The following TRIO variants were observed in gnomAD, a reference collection of about 807,000 sequenced individuals.
TRIO encodes triple functional domain protein.
TRIO carries 58 observed loss-of-function variants against 351.9 expected under a neutral mutation model. That is an observed-to-expected ratio of 0.16 (90% confidence interval 0.13 to 0.21). TRIO has a LOEUF of 0.21. Ranked by LOEUF, TRIO falls within the 10% of genes least tolerant of loss-of-function variation. The probability of loss-of-function intolerance (pLI) is 1.00; values close to 1 mark genes in which losing one functional copy is unlikely to be tolerated. For missense variants in TRIO, 3,201 were observed against 4,027.8 expected (o/e 0.79, Z 5.56); for synonymous variants, 1,758 against 1,595.7 (o/e 1.10, Z -2.42).
At chr5:14,479,048 A>G (rs2126592256) in intron 41 of TRIO, among the ~76,000 whole-genome samples, 1 of 152,250 alleles carries the variant, frequency 6.6e-6, no homozygotes, top group Non-Finnish European at 1.5e-5. Context: ...TTTGGTGTGT[A>G]TGGAGAGTGA....
intron 23 of TRIO, 92 bp downstream of exon 23, chr5:14,387,939 C>T (rs1746688730): frequency 3.0e-6 from 4 of 1,353,636 alleles, no homozygotes; most frequent in Admixed American, 2.0e-5. Context: ...GCTTTGAAGT[C>T]ACATGGCACC....
intron 20 of TRIO, among the ~76,000 whole-genome samples, chr5:14,380,710 CAT>C (rs1197211179): frequency 6.6e-6 from 1 of 152,162 alleles, no homozygotes; most frequent in Non-Finnish European, 1.5e-5. Flanking sequence ...CTAGCAATCC[CAT>C]TATTGGGTAT....
intron 8 of TRIO, among the ~76,000 whole-genome samples, chr5:14,309,743 T>G (rs1351158466): frequency 6.6e-6 from 1 of 152,208 alleles, no homozygotes; most frequent in African/African-American, 2.4e-5. Context: ...GTGCTAGACA[T>G]TGAACTGGAT....
intron 1 of TRIO, among the ~76,000 whole-genome samples, chr5:14,218,959 G>A (rs113275798): frequency 5.1e-4 from 78 of 152,358 alleles, no homozygotes; most frequent in African/African-American, 1.9e-3. Flanking sequence ...GGAAGCTGTT[G>A]CTCTGCGCCT....
At chr5:14,329,532 T>A (rs1283131614) in intron 9 of TRIO, among the ~76,000 whole-genome samples, 1 of 152,210 alleles carries the variant, frequency 6.6e-6, no homozygotes, top group Non-Finnish European at 1.5e-5. Flanking sequence ...GACTTCATAG[T>A]GTCCAGACTA....
At chr5:14,178,566 A>C (rs115347988) in intron 1 of TRIO, among the ~76,000 whole-genome samples, 6,176 of 152,262 alleles carry the variant, frequency 0.041, 166 homozygotes, top group Middle Eastern at 0.061. Context: ...TGTTACCAAT[A>C]ATTATTCTAG....
At chr5:14,145,238 G>A (rs964754845) in intron 1 of TRIO, among the ~76,000 whole-genome samples, 1 of 152,234 alleles carries the variant, frequency 6.6e-6, no homozygotes, top group African/African-American at 2.4e-5. Flanking sequence ...GCAGCGGGAG[G>A]GCGATGGTGA....
chr5:14,191,849 C>T (rs544968560), intron 1 of TRIO, among the ~76,000 whole-genome samples: 2 of 152,306 alleles, frequency 1.3e-5, no homozygotes, highest in East Asian at 3.9e-4. Context: ...GGCTCTGCTC[C>T]TTCACCATAA....
Position 14,297,280 on chromosome 5 carries a change from C to A in TRIO, c.1368+17C>A. On this transcript the variant is annotated intron_variant, in intron 7 of 56. Transcript: ENST00000344204. ...GCCGAAAAGGTCAGTGCCTTGAACC[C>A]CCAGCCCACGAGGTGGTAACCAGAA... is the stretch of plus-strand genomic sequence containing the variant. 6.2e-7 allele frequency: 1 copy of A among 1,609,252 alleles called. No individual in the cohort carries two copies. Among genetic ancestry groups the A allele is most frequent in the South Asian group, 1.1e-5 (1 of 90,472 alleles).
rs531837677 is a variant in TRIO, at chr5:14,430,840, C to T, written c.5203+10819C>T. ...AAGGGATTCTCCTGCCTCAGCCTCC[C>T]GAGTAGCTGGGACCTCAGGCACCCG... On this transcript the variant is annotated intron_variant, in intron 34 of 56. Coordinates refer to ENST00000344204, the MANE Select transcript of TRIO (RefSeq NM_007118.4). Among the ~76,000 whole-genome samples the T allele has an allele frequency of 7.2e-5, 11 of 152,090 alleles. No individual in the cohort carries two copies. The South Asian group carries it at 1.9e-3, about 26-fold the overall frequency.
In TRIO at chr5:14,364,894, C is replaced by G. The variant is rs1744464784; in HGVS notation, c.2754+78C>G. ...TCATCGACTTCCCGGAAATTCTGAC[C>G]TGTAGCATTGGGAAGGATTGTGCCT... On this transcript the variant is annotated intron_variant, in intron 15 of 56. Coordinates refer to ENST00000344204, the MANE Select transcript of TRIO (RefSeq NM_007118.4). The G allele has an allele frequency of 2.7e-6, 4 of 1,494,700 alleles. No homozygotes were observed. In the African/African-American group the frequency reaches 5.6e-5, roughly 21 times the overall value. The allele number at this position is 1,494,700 out of a possible 1,614,324, so 92.6% of individuals were successfully genotyped here. A position where few individuals can be genotyped will look rare whatever the true frequency, so the allele number is the denominator to read the frequency against.
rs763050823 is a variant in TRIO, at chr5:14,374,264, C to T, written c.3252C>T (p.Phe1084=). 5.0e-6 allele frequency: 8 copies of T among 1,613,602 alleles called. No homozygotes were observed. The highest frequency in any genetic ancestry group is 1.7e-5 in the Admixed American group (1 of 59,980). ...CTLARRNADV[F]LKYLHRNSVN... ...TTGCTCGGAGGAATGCAGACGTCTT[C>T]CTGAAATACCTGCACAGGAACAGCG... Residue 1084 remains phenylalanine, a synonymous_variant, in exon 19 of 57, where the codon TTC becomes TTT. Transcript: ENST00000344204.
rs778327240 is a variant in TRIO at position 14,358,222 on chromosome 5, C to T, written c.2091C>T (p.Asp697=). 1.3e-5 allele frequency: 21 copies of T among 1,613,910 alleles called. No homozygotes were observed. Among genetic ancestry groups the T allele is most frequent in the East Asian group, 2.2e-5 (1 of 44,888 alleles). The change falls in exon 12 of 57, where the codon GAC becomes GAT. Residue 697 remains aspartate, a synonymous_variant. Coordinates refer to ENST00000344204, the MANE Select transcript of TRIO (RefSeq NM_007118.4). ...LEELQKELLD[D]VYAESVEAVQ... ...AGCTGCAGAAGGAGCTGCTGGACGA[C>T]GTGTATGCCGAGTCGGTGGAGGCCG...
intron 1 of TRIO, among the ~76,000 whole-genome samples, chr5:14,194,040 ACC>A (rs1790607346): frequency 6.6e-6 from 1 of 152,044 alleles, no homozygotes; most frequent in African/African-American, 2.4e-5. Flanking sequence ...GCCTGTCCAA[ACC>A]CTCCATGCAG....
chr5:14,398,808 A>C, intron 29 of TRIO, 72 bp from the exon 30 acceptor site: 1 of 1,428,466 alleles, frequency 7.0e-7, no homozygotes, highest in South Asian at 1.3e-5. Context: ...TGAAAATACT[A>C]ATAATGCTTT....
chr5:14,232,251 T>C (rs985061664), intron 1 of TRIO, among the ~76,000 whole-genome samples: 1 of 152,202 alleles, frequency 6.6e-6, no homozygotes, highest in Non-Finnish European at 1.5e-5. Context: ...GAGTGAGGCA[T>C]GCCCTCCTGC....
At chr5:14,250,069 T>A (rs1794650830) in intron 1 of TRIO, among the ~76,000 whole-genome samples, 1 of 152,228 alleles carries the variant, frequency 6.6e-6, no homozygotes. Flanking sequence ...GAGCATGTTT[T>A]ATTTTTGACA....
At position 14,404,281 on chromosome 5, in the gene TRIO, C is replaced by T. The variant is rs186722187; in HGVS notation, c.4717-1567C>T. On this transcript the variant is annotated intron_variant, in intron 31 of 56. Transcript: ENST00000344204. ...TTATTTTTAAGTCTTAAGCAGATTG[C>T]GACTACCCAGATTATGAAATGAACT... Among the ~76,000 whole-genome samples, 888 of 152,090 alleles carry T rather than the reference C, an allele frequency of 5.8e-3. 1 individual carries two copies. The highest frequency in any genetic ancestry group is 9.2e-3 in the Non-Finnish European group (625 of 67,968).
Position 14,508,207 on chromosome 5 carries a change from G to C in TRIO, c.9079G>C (p.Val3027Leu). The stretch of plus-strand genomic sequence containing the variant: ...AGTGAGCCAGAAGGCCAAGGAGTTC[G>C]TGTGCTTCCTCCTGCAGGAGGACCC... ...KGVSQKAKEF[V>L]CFLLQEDPAK... The change falls in exon 57 of 57, where the codon GTG (valine) becomes CTG (leucine). Residue 3027 changes from valine (V) to leucine (L), a missense_variant. Transcript: ENST00000344204. The C allele has an allele frequency of 6.2e-7, 1 of 1,614,106 alleles. No individual in the cohort carries two copies. Among genetic ancestry groups the C allele is most frequent in the Non-Finnish European group, 8.5e-7 (1 of 1,180,038 alleles).
Sources: allele counts gnomAD v4.1 joint callset (sites outside exome capture counted in the v4.1 genomes callset), GRCh38; gene constraint gnomAD v4.1.1; transcripts MANE v1.5; gene names NCBI Gene and HGNC (gene_info 2026-07-23, HGNC 2026-07-21).